Variants in IPO5 observed in about 807,000 individuals in gnomAD.
IPO5 encodes importin 5.
A neutral mutation model predicts 143.3 loss-of-function variants in IPO5; 18 were observed. The observed-to-expected ratio is 0.13, with a 90% CI of 0.09 to 0.19. The LOEUF (loss-of-function observed/expected upper bound fraction) is 0.19. Ranked by LOEUF, IPO5 falls within the 10% of genes least tolerant of loss-of-function variation. The probability of loss-of-function intolerance (pLI) is 1.00; values close to 1 mark genes in which losing one functional copy is unlikely to be tolerated. For missense variants in IPO5, 1,013 were observed against 1,336.9 expected (o/e 0.76, Z 3.78); for synonymous variants, 477 against 465.7 (o/e 1.02, Z -0.31).
At chr13:97,986,748 T>G (rs962360358) in intron 6 of IPO5, among the ~76,000 whole-genome samples, 11 of 152,240 alleles carry the variant, frequency 7.2e-5, no homozygotes, top group African/African-American at 2.7e-4. Flanking sequence ...AAAATCCTTT[T>G]TAGTCAACTA....
chr13:97,995,179 G>GTTTTTTTTTTTTTTTTTTTTTTTTTTTGT (rs200248504), intron 11 of IPO5, among the ~76,000 whole-genome samples: 1 of 131,756 alleles, frequency 7.6e-6, no homozygotes, highest in African/African-American at 2.8e-5. Flanking sequence ...TTCTTTCTTT[G>GTTTTTTTTTTTTTTTTTTTTTTTTTTTGT]TTTTTTTTTT....
chr13:98,003,121 C>A, intron 16 of IPO5, 84 bp downstream of exon 16: 1 of 999,992 alleles, frequency 1.0e-6, no homozygotes, highest in Non-Finnish European at 1.5e-6. Flanking sequence ...GAAAGAGGGA[C>A]TTGCAGCATG....
chr13:98,017,105 TTTA>T (rs1441478766), intron 25 of IPO5, among the ~76,000 whole-genome samples: 1 of 152,172 alleles, frequency 6.6e-6, no homozygotes, highest in Non-Finnish European at 1.5e-5. Context: ...AGTGATTTTT[TTTA>T]TTATTTCAGA....
chr13:97,993,251 T>G, intron 11 of IPO5, 26 bp downstream of exon 11: 3 of 1,605,652 alleles, frequency 1.9e-6, no homozygotes, highest in Non-Finnish European at 2.6e-6. Flanking sequence ...TCAGATAGTT[T>G]ATGTGTATTG....
intron 27 of IPO5, 77 bp downstream of exon 27, chr13:98,019,886 T>C (rs572908772): frequency 9.6e-6 from 9 of 936,266 alleles, no homozygotes; most frequent in South Asian, 8.3e-5. Context: ...CATCAGTCTT[T>C]TAAGGTTTAA....
chr13:97,991,378 T>C (rs961543801), intron 9 of IPO5, among the ~76,000 whole-genome samples: 1 of 152,174 alleles, frequency 6.6e-6, no homozygotes, highest in East Asian at 1.9e-4. Context: ...TAGCTAAAAC[T>C]GGACTAATAG....
chr13:97,953,827 G>T, intron 1 of IPO5, 111 bp downstream of exon 1: 1 of 435,690 alleles, frequency 2.3e-6, no homozygotes, highest in Non-Finnish European at 4.6e-6. Context: ...GTGAGATCCA[G>T]GAGGTCCCTT....
At chr13:97,990,364 A>C (rs1887707234) in intron 8 of IPO5, 69 bp from the exon 9 acceptor site, 8 of 1,276,834 alleles carry the variant, frequency 6.3e-6, no homozygotes, top group Non-Finnish European at 9.0e-6. Flanking sequence ...TTTGATCTTG[A>C]GTAAGAAAAC....
At position 97,976,720 on chromosome 13, in the gene IPO5, G is replaced by T. The variant is rs753585799; in HGVS notation, c.24G>T (p.Gln8His). 5 of 1,406,822 alleles carry T rather than the reference G, an allele frequency of 3.6e-6. No homozygotes were observed. Among genetic ancestry groups the T allele is most frequent in the Non-Finnish European group, 4.7e-6 (5 of 1,056,144 alleles). 87.1% of individuals were successfully genotyped at this position (1,406,822 alleles called of 1,614,324 possible). MAAAAAE[Q>H]QQFYLLLGNL... The stretch of plus-strand genomic sequence containing the variant: ...CAATGGCGGCGGCCGCGGCGGAGCA[G>T]CAACAGTTCTACCTGCTCCTGGGAA... The change falls in exon 4 of 29, where the codon CAG becomes CAT. Residue 8 changes from glutamine (Q) to histidine (H), a missense_variant. This residue lies in a region of IPO5 where 328 missense variants were observed against 342.0 expected (regional missense o/e 0.96). Transcript: ENST00000651721.
At chr13:97,957,792 C>A (rs1884560569) in intron 2 of IPO5, among the ~76,000 whole-genome samples, 3 of 152,122 alleles carry the variant, frequency 2.0e-5, no homozygotes, top group Admixed American at 2.0e-4. Flanking sequence ...GATTCCTTCT[C>A]TTTTTTATCT....
chr13:97,976,011 G>A (rs1006902199), intron 3 of IPO5: 1 of 952,264 alleles, frequency 1.1e-6, no homozygotes, highest in Admixed American at 6.2e-5. Context: ...CGTAGGAAGT[G>A]GGTCTAAAGG....
At position 98,021,867 on chromosome 13, in the gene IPO5, C is replaced by T; in HGVS notation, c.*45C>T. Reference sequence around the variant, plus strand: ...CCAGAAAACTAACTCCAAATAAACGCTTACCCTTTCCTTTAGGTTTCTTTG... The same window carrying T: ...CCAGAAAACTAACTCCAAATAAACGTTTACCCTTTCCTTTAGGTTTCTTTG... On this transcript the variant is annotated 3_prime_UTR_variant, in exon 29 of 29. Coordinates refer to ENST00000651721, the MANE Select transcript of IPO5 (RefSeq NM_002271.6). 1.5e-6 allele frequency: 2 copies of T among 1,312,922 alleles called. No homozygotes were observed. Among genetic ancestry groups the T allele is most frequent in the Non-Finnish European group, 2.2e-6 (2 of 917,762 alleles). The allele number at this position is 1,312,922 out of a possible 1,614,324, so 81.3% of individuals were successfully genotyped here. A position where few individuals can be genotyped will look rare whatever the true frequency, so the allele number is the denominator to read the frequency against.
intron 8 of IPO5, 88 bp downstream of exon 8, chr13:97,990,310 T>C (rs1887702934): frequency 1.7e-6 from 2 of 1,179,942 alleles, no homozygotes; most frequent in Admixed American, 4.2e-5. Flanking sequence ...GTTTTCACTT[T>C]TATACTTTAA....
intron 2 of IPO5, among the ~76,000 whole-genome samples, chr13:97,959,696 T>C (rs1375341086): frequency 6.6e-6 from 1 of 152,168 alleles, no homozygotes; most frequent in Non-Finnish European, 1.5e-5. Context: ...ATAGCGCCAC[T>C]GCACTCCAGC....
intron 19 of IPO5, 26 bp from the exon 20 acceptor site, chr13:98,010,077 G>A: frequency 6.2e-7 from 1 of 1,613,380 alleles, no homozygotes; most frequent in South Asian, 1.1e-5. Context: ...TTTTTCATAT[G>A]CATTTGTTTT....
intron 6 of IPO5, 44 bp from the exon 7 acceptor site, chr13:97,989,018 G>A (rs745448725): frequency 1.8e-6 from 2 of 1,138,798 alleles, no homozygotes; most frequent in South Asian, 1.2e-5. Context: ...GTATATTGAA[G>A]TTCTGACTTA....
chr13:97,990,215 A>G lies in IPO5; in HGVS notation c.557A>G (p.His186Arg), dbSNP rs1887693742. The stretch of plus-strand genomic sequence containing the variant: ...GTTCAGTGTATGCAAGATCAGGAAC[A>G]CCCGTCGGTAAATAATTTCAATCCT... ...MLVQCMQDQE[H>R]PSIRTLSARA... The change falls in exon 8 of 29, where the codon CAC becomes CGC. Residue 186 changes from histidine (H) to arginine (R), a missense_variant. Coordinates refer to ENST00000651721, the MANE Select transcript of IPO5 (RefSeq NM_002271.6). 1.3e-6 allele frequency: 2 copies of G among 1,593,496 alleles called. No homozygotes were observed. The highest frequency in any genetic ancestry group is 1.1e-5 in the South Asian group (1 of 90,098).
intron 9 of IPO5, among the ~76,000 whole-genome samples, chr13:97,992,264 T>C (rs971974009): frequency 2.0e-5 from 3 of 152,194 alleles, no homozygotes; most frequent in African/African-American, 7.2e-5. Flanking sequence ...TATTCTGAAA[T>C]AGATAATGAT....
intron 18 of IPO5, 146 bp downstream of exon 18, chr13:98,008,288 CT>C: frequency 1.7e-6 from 1 of 577,408 alleles, no homozygotes; most frequent in East Asian, 2.9e-5. Flanking sequence ...GATTTTCCTT[CT>C]GTTTCTCAAG....
Sources: gnomAD v4.1 joint callset for allele counts (sites outside exome capture counted in the v4.1 genomes callset) on GRCh38, gnomAD v4.1.1 for gene constraint, gnomAD v4.1.1 regional missense constraint, MANE v1.5 for transcripts, NCBI Gene and HGNC (gene_info 2026-07-23, HGNC 2026-07-21) for gene names.